The following STX8 variants were observed in gnomAD, a reference collection of about 807,000 sequenced individuals.
STX8 encodes the protein syntaxin 8.
In STX8, 23 loss-of-function variants were observed where a neutral mutation model predicts 37.5. The observed-to-expected ratio is 0.61, with a 90% CI of 0.44 to 0.87. The LOEUF (loss-of-function observed/expected upper bound fraction) is 0.87. STX8 is among the 40% of genes least tolerant of loss of function. The pLI is 0.00. For missense variants in STX8, 313 were observed against 284.7 expected, an observed-to-expected ratio of 1.10 and a Z score of -0.71; for synonymous variants, 115 against 99.1, an observed-to-expected ratio of 1.16 and a Z score of -0.95.
intron 7 of STX8, among the ~76,000 whole-genome samples, chr17:9,361,264 G>A (rs1007271473): frequency 2.0e-5 from 3 of 152,160 alleles, no homozygotes; most frequent in Non-Finnish European, 4.4e-5. Context: ...TAATACCAGG[G>A]CTTATGCCAC....
At chr17:9,486,849 AC>A (rs1490541494) in intron 6 of STX8, among the ~76,000 whole-genome samples, 3 of 152,146 alleles carry the variant, frequency 2.0e-5, no homozygotes, top group African/African-American at 7.2e-5. Context: ...ACAGAGTGAG[AC>A]CAGAACCACA....
At chr17:9,551,011 G>A (rs1906739431) in intron 3 of STX8, among the ~76,000 whole-genome samples, 1 of 152,202 alleles carries the variant, frequency 6.6e-6, no homozygotes, top group African/African-American at 2.4e-5. Context: ...TGAGGCGGTG[G>A]TTGCAGTGAG....
chr17:9,521,728 A>G (rs1905344458), intron 4 of STX8, among the ~76,000 whole-genome samples: 1 of 152,208 alleles, frequency 6.6e-6, no homozygotes, highest in South Asian at 2.1e-4. Flanking sequence ...AATGCCTAAC[A>G]TTGTGCCGAC....
intron 7 of STX8, among the ~76,000 whole-genome samples, chr17:9,326,109 C>T (rs561528408): frequency 1.3e-4 from 19 of 151,016 alleles, no homozygotes; most frequent in Admixed American, 5.9e-4. Flanking sequence ...TTTTAGCCAC[C>T]TTTGGTTCTT....
At chr17:9,338,264 G>A (rs954785041) in intron 7 of STX8, among the ~76,000 whole-genome samples, 1 of 152,024 alleles carries the variant, frequency 6.6e-6, no homozygotes, top group Non-Finnish European at 1.5e-5. Flanking sequence ...ATGTTAGCCA[G>A]GCTGGTCTCA....
chr17:9,294,443 T>A (rs1190439544), intron 7 of STX8, among the ~76,000 whole-genome samples: 1 of 152,192 alleles, frequency 6.6e-6, no homozygotes, highest in Non-Finnish European at 1.5e-5. Flanking sequence ...TGCTTCTCCA[T>A]CAGGATCAGC....
rs763457544 is a variant in STX8, at chr17:9,250,587, C to G, written c.702G>C (p.Pro234=). 2 of 1,594,746 alleles carry G rather than the reference C, an allele frequency of 1.3e-6. No homozygotes were observed. The highest frequency in any genetic ancestry group is 1.7e-6 in the Non-Finnish European group (2 of 1,170,876). Residue 234 remains proline, a synonymous_variant, in exon 8 of 8, where the codon CCG becomes CCC. Coordinates refer to ENST00000306357, the MANE Select transcript of STX8 (RefSeq NM_004853.3). ...GGTCTCTTTACTGCCATCAGTTGGT[C>G]GGCCAGACTGCAACAACCACGATAG... ...LVAIVVVAVW[P]TN
In STX8 at chr17:9,545,215, GA is replaced by G; in HGVS notation, c.279del (p.Leu94TrpfsTer13). On this transcript the variant is annotated frameshift_variant, in exon 4 of 8. Transcript: ENST00000306357. LOFTEE classifies it high-confidence loss of function. ...LDDLVTRERL[L>X]LASFKNEGAE... ...GCACCCTCATTCTTAAAGGATGCCA[GA>G]AGTAGTCTCTCTCGAGTTACAAGAT... is the stretch of plus-strand genomic sequence containing the variant. The G allele has an allele frequency of 1.2e-6, 2 of 1,614,148 alleles. No individual in the cohort carries two copies. The highest frequency in any genetic ancestry group is 1.7e-6 in the Non-Finnish European group (2 of 1,180,000).
intron 3 of STX8, 94 bp from the exon 4 acceptor site, chr17:9,545,376 T>G: frequency 1.1e-6 from 1 of 918,334 alleles, no homozygotes; most frequent in South Asian, 1.5e-5. Flanking sequence ...TTGTGGCTTT[T>G]ACAGACTGTA....
At chr17:9,305,199 T>C (rs796889488) in intron 7 of STX8, among the ~76,000 whole-genome samples, 6 of 152,224 alleles carry the variant, frequency 3.9e-5, no homozygotes, top group African/African-American at 1.4e-4. Flanking sequence ...TTCAAGCGAT[T>C]CTCCTGCCTC....
chr17:9,546,376 T>C (rs1394270315), intron 3 of STX8, among the ~76,000 whole-genome samples: 2 of 121,244 alleles, frequency 1.6e-5, no homozygotes, highest in African/African-American at 5.8e-5. Context: ...CAACAATTCA[T>C]AAGTGATGGT....
intron 6 of STX8, among the ~76,000 whole-genome samples, chr17:9,481,554 T>C (rs544727395): frequency 6.6e-6 from 1 of 152,240 alleles, no homozygotes; most frequent in Non-Finnish European, 1.5e-5. Context: ...TGGTCTAACA[T>C]GTGCTCTTAT....
At position 9,487,837 on chromosome 17, in the gene STX8, T is replaced by C. The variant is rs974580589; in HGVS notation, c.541+3992A>G. 7.9e-5 allele frequency among the ~76,000 whole-genome samples: 12 copies of C among 152,128 alleles called. 1 individual carries two copies. Among genetic ancestry groups the C allele is most frequent in the African/African-American group, 1.9e-4 (8 of 41,408 alleles). On this transcript the variant is annotated intron_variant, in intron 6 of 7. Coordinates refer to ENST00000306357, the MANE Select transcript of STX8 (RefSeq NM_004853.3). ...ACGTCGCCACGTGGATGCGCTTCTG[T>C]GCATGTGGGGGATTTAGACCTGTAA...
At chr17:9,353,185 G>T (rs2142248325) in intron 7 of STX8, among the ~76,000 whole-genome samples, 3 of 152,208 alleles carry the variant, frequency 2.0e-5, no homozygotes, top group Middle Eastern at 6.8e-3. Context: ...AGGCATGACT[G>T]CCCCAAATGT....
intron 4 of STX8, among the ~76,000 whole-genome samples, chr17:9,526,098 G>A (rs1418602488): frequency 6.6e-6 from 1 of 152,142 alleles, no homozygotes; most frequent in African/African-American, 2.4e-5. Context: ...GAAAGACGAA[G>A]TATTCAAAGC....
intron 7 of STX8, among the ~76,000 whole-genome samples, chr17:9,298,177 G>T (rs1488473469): frequency 1.3e-5 from 2 of 152,232 alleles, no homozygotes; most frequent in South Asian, 2.1e-4. Context: ...TTCTGACGTG[G>T]GAGCATGGAT....
At chr17:9,396,716 A>G (rs1327302413) in intron 6 of STX8, among the ~76,000 whole-genome samples, 2 of 93,426 alleles carry the variant, frequency 2.1e-5, no homozygotes, top group Non-Finnish European at 4.9e-5. Flanking sequence ...CACCATCTGA[A>G]AAAAAAAAAA....
chr17:9,544,369 C>A (rs755229536), intron 4 of STX8, among the ~76,000 whole-genome samples: 4 of 152,222 alleles, frequency 2.6e-5, no homozygotes, highest in African/African-American at 9.6e-5. Flanking sequence ...CCAGCAGAAC[C>A]GGGCTCAGAG....
At position 9,560,042 on chromosome 17, in the gene STX8, A is replaced by G. The variant is rs1355438097; in HGVS notation, c.118-2514T>C. On this transcript the variant is annotated intron_variant, in intron 2 of 7. Coordinates refer to ENST00000306357, the MANE Select transcript of STX8 (RefSeq NM_004853.3). ...CTCCCAAAATGCTGGGATTACAGGC[A>G]TGAGCCACCGCGCCCAGACTGAAAG... is the stretch of plus-strand genomic sequence containing the variant. 3.3e-5 allele frequency among the ~76,000 whole-genome samples: 5 copies of G among 150,010 alleles called. No individual in the cohort carries two copies. In the East Asian group the frequency reaches 6.0e-4, roughly 18 times the overall value.
Sources: gnomAD v4.1 joint callset for allele counts (sites outside exome capture counted in the v4.1 genomes callset) on GRCh38, gnomAD v4.1.1 for gene constraint, MANE v1.5 for transcripts, NCBI Gene and HGNC (gene_info 2026-07-23, HGNC 2026-07-21) for gene names.